The following ADGRL3 variants were observed in gnomAD, a reference collection of about 807,000 sequenced individuals.
The protein encoded by ADGRL3 is adhesion G protein-coupled receptor L3.
A neutral mutation model predicts 153.5 loss-of-function variants in ADGRL3; 62 were observed. The ratio of observed to expected loss-of-function variants is 0.40; its 90% CI spans 0.33 to 0.50. The LOEUF (loss-of-function observed/expected upper bound fraction) is 0.50. ADGRL3 is among the 20% of genes least tolerant of loss of function. The pLI is 0.47. For missense variants in ADGRL3, 1,641 were observed against 1,859.4 expected (o/e 0.88, Z 2.16); for synonymous variants, 710 against 672.5 (o/e 1.06, Z -0.86).
At chr4:61,612,938 A>T (rs142499896) in intron 5 of ADGRL3, among the ~76,000 whole-genome samples, 1,857 of 152,274 alleles carry the variant, frequency 0.012, 42 homozygotes, top group African/African-American at 0.042. Context: ...AGAGAAGAAG[A>T]AATCTTAGAG....
chr4:61,781,604 C>T (rs966832272), intron 8 of ADGRL3, among the ~76,000 whole-genome samples: 1 of 152,038 alleles, frequency 6.6e-6, no homozygotes, highest in African/African-American at 2.4e-5. Context: ...AATGAAAATA[C>T]AGTCATTGAT....
chr4:61,903,748 A>G (rs76664376), intron 11 of ADGRL3, among the ~76,000 whole-genome samples: 7,811 of 144,534 alleles, frequency 0.054, 339 homozygotes, highest in East Asian at 0.22. Flanking sequence ...GATACTTTTT[A>G]TATTTTTACT....
intron 2 of ADGRL3, among the ~76,000 whole-genome samples, chr4:61,392,269 C>T (rs1025666028): frequency 6.6e-6 from 1 of 151,954 alleles, no homozygotes; most frequent in African/African-American, 2.4e-5. Flanking sequence ...AACAATTGAC[C>T]ATAGAAATAA....
intron 1 of ADGRL3, among the ~76,000 whole-genome samples, chr4:61,225,461 T>G (rs74533794): frequency 0.017 from 2,592 of 152,306 alleles, 37 homozygotes; most frequent in Non-Finnish European, 0.028. Context: ...GGGGCATTAT[T>G]TTTCCTGCCC....
intron 1 of ADGRL3, among the ~76,000 whole-genome samples, chr4:61,283,529 A>T (rs757786389): frequency 1.3e-4 from 20 of 151,920 alleles, no homozygotes; most frequent in Admixed American, 2.6e-4. Flanking sequence ...AGCTCTATTG[A>T]TCACAAATTT....
rs918126300 is a variant in ADGRL3, at chr4:61,454,687, A to G, written c.-173-42434A>G. Among the ~76,000 whole-genome samples the G allele has an allele frequency of 1.3e-4, 19 of 151,760 alleles. 1 individual carries two copies. Among genetic ancestry groups the G allele is most frequent in the Admixed American group, 1.2e-3 (19 of 15,208 alleles). ...GATATGTACATAAATATTACATGAT[A>G]TATATATATAAGCATACATACATAG... is the stretch of plus-strand genomic sequence containing the variant. On this transcript the variant is annotated intron_variant, in intron 2 of 26. Coordinates refer to ENST00000683033, the MANE Select transcript of ADGRL3 (RefSeq NM_001387552.1).
At chr4:61,392,708 A>AAAAAAAAAAAAAGT (rs1560565678) in intron 2 of ADGRL3, among the ~76,000 whole-genome samples, 1 of 92,740 alleles carries the variant, frequency 1.1e-5, no homozygotes, top group Non-Finnish European at 2.4e-5. Context: ...AAAAAAAAAG[A>AAAAAAAAAAAAAGT]AAAAGGAAAA....
intron 6 of ADGRL3, among the ~76,000 whole-genome samples, chr4:61,699,949 C>CAG (rs1238205553): frequency 2.7e-5 from 4 of 147,966 alleles, no homozygotes; most frequent in African/African-American, 9.9e-5. Flanking sequence ...CAAGGAGATA[C>CAG]ACACACACAC....
chr4:61,871,150 T>C lies in ADGRL3; in HGVS notation c.1481-21506T>C, dbSNP rs577576963. 2.4e-3 allele frequency among the ~76,000 whole-genome samples: 364 copies of C among 151,944 alleles called. 1 individual carries two copies. Among genetic ancestry groups the C allele is most frequent in the Non-Finnish European group, 3.9e-3 (264 of 67,964 alleles). On this transcript the variant is annotated intron_variant, in intron 9 of 26. Coordinates refer to ENST00000683033, the MANE Select transcript of ADGRL3 (RefSeq NM_001387552.1). ...AAAATTAGCCAGGTGTGGTGGCGAG[T>C]GCCTGCAGTCCCAACTACTCAGCAG...
chr4:61,304,507 A>G (rs541415331), intron 1 of ADGRL3, among the ~76,000 whole-genome samples: 38 of 152,312 alleles, frequency 2.5e-4, no homozygotes, highest in African/African-American at 8.9e-4. Context: ...TACTTTATGC[A>G]TTCTTACCCT....
chr4:61,663,232 C>G (rs112368300), intron 5 of ADGRL3, among the ~76,000 whole-genome samples: 63 of 152,276 alleles, frequency 4.1e-4, no homozygotes, highest in African/African-American at 1.4e-3. Flanking sequence ...ATAGCTGTGG[C>G]CCTTCAGAGA....
intron 8 of ADGRL3, among the ~76,000 whole-genome samples, chr4:61,757,456 C>T (rs1017405165): frequency 4.6e-5 from 7 of 152,076 alleles, no homozygotes; most frequent in Non-Finnish European, 7.4e-5. Flanking sequence ...TCTGTGGGAT[C>T]GGCAGTGATA....
At chr4:61,291,581 T>C (rs62312930) in intron 1 of ADGRL3, among the ~76,000 whole-genome samples, 23 of 46,896 alleles carry the variant, frequency 4.9e-4, no homozygotes, top group South Asian at 2.1e-3. Flanking sequence ...TATATATATA[T>C]ACATATATAT....
At position 61,431,176 on chromosome 4, in the gene ADGRL3, C is replaced by T. The variant is rs151195093; in HGVS notation, c.-174+47987C>T. 2.9e-3 allele frequency among the ~76,000 whole-genome samples: 445 copies of T among 152,246 alleles called. 2 individuals carry two copies. The highest frequency in any genetic ancestry group is 0.01 in the African/African-American group (424 of 41,536). ...GGGGATGTAATCTCTTTATAGACTC[C>T]GTCTTTTTAATGGAAACAATCTATC... On this transcript the variant is annotated intron_variant, in intron 2 of 26. Transcript: ENST00000683033.
At chr4:61,290,155 A>G (rs1290787979) in intron 1 of ADGRL3, among the ~76,000 whole-genome samples, 1 of 152,108 alleles carries the variant, frequency 6.6e-6, no homozygotes, top group Non-Finnish European at 1.5e-5. Flanking sequence ...ACTAGGCTCC[A>G]TAATTGTATC....
chr4:61,872,607 T>A (rs539007484), intron 9 of ADGRL3, among the ~76,000 whole-genome samples: 10 of 151,500 alleles, frequency 6.6e-5, no homozygotes, highest in Admixed American at 6.6e-4. Flanking sequence ...TTCAGACATT[T>A]ACTTATTCAG....
chr4:61,649,085 G>GA (rs2094151593), intron 5 of ADGRL3, among the ~76,000 whole-genome samples: 1 of 151,540 alleles, frequency 6.6e-6, no homozygotes, highest in Non-Finnish European at 1.5e-5. Flanking sequence ...CTATATATAA[G>GA]AAAATAAGAT....
At position 62,072,479 on chromosome 4, in the gene ADGRL3, T is replaced by C. The variant is rs1746001886; in HGVS notation, c.*1571T>C. On this transcript the variant is annotated 3_prime_UTR_variant, in exon 27 of 27. Transcript: ENST00000683033. ...ATGTATGTACTATATGATTAATCAGTCTTTTTATTTTTCTCGCCTTTCTTT... is the reference window on the plus strand; with the variant it reads ...ATGTATGTACTATATGATTAATCAGCCTTTTTATTTTTCTCGCCTTTCTTT... The C allele has an allele frequency of 6.6e-6, 1 of 152,566 alleles. No homozygotes were observed. The highest frequency in any genetic ancestry group is 2.1e-4 in the South Asian group (1 of 4,830). The allele number at this position is 152,566 out of a possible 1,614,324, so 9.5% of individuals were successfully genotyped here.
rs756197814 is a variant in ADGRL3, at chr4:62,070,568, G to A, written c.4292G>A (p.Ser1431Asn). The A allele has an allele frequency of 1.3e-6, 2 of 1,551,134 alleles. No homozygotes were observed. The highest frequency in any genetic ancestry group is 2.4e-5 in the South Asian group (2 of 84,012). The change falls in exon 27 of 27, where the codon AGC (serine) becomes AAC (asparagine). Residue 1431 changes from serine to asparagine, a missense_variant. Transcript: ENST00000683033. The stretch of plus-strand genomic sequence containing the variant: ...CGGATCCCCCAAGACCACAGTGAGA[G>A]CTTTTTCCCTTTGCTAACCAACGAG... ...RRRIPQDHSE[S>N]FFPLLTNEHT...
Sources: allele counts gnomAD v4.1 joint callset (sites outside exome capture counted in the v4.1 genomes callset), GRCh38; gene constraint gnomAD v4.1.1; transcripts MANE v1.5; gene names NCBI Gene and HGNC (gene_info 2026-07-23, HGNC 2026-07-21).